RYR2: variants seen among roughly 807,000 people sequenced by gnomAD.
RYR2 encodes the protein cardiac muscle ryanodine receptor-calcium release channel.
Under a neutral mutation model 601.1 loss-of-function variants are expected in RYR2, and 227 were observed. The observed-to-expected ratio is 0.38, with a 90% CI of 0.34 to 0.42. The LOEUF is 0.42. RYR2 is among the 10% of genes least tolerant of loss of function. The pLI is 1.00. For missense variants in RYR2, 4,646 were observed against 6,156.5 expected (o/e 0.75, Z 8.21); for synonymous variants, 2,223 against 2,175.1 (o/e 1.02, Z -0.61).
intron 1 of RYR2, among the ~76,000 whole-genome samples, chr1:237,213,910 TTTTTC>T (rs1415523216): frequency 4.2e-5 from 6 of 141,720 alleles, no homozygotes; most frequent in Non-Finnish European, 4.6e-5. Context: ...TTTTTTTTTC[TTTTTC>T]TTTTTTTTTT....
intron 84 of RYR2, among the ~76,000 whole-genome samples, chr1:237,766,712 C>A (rs1693874367): frequency 6.6e-6 from 1 of 152,144 alleles, no homozygotes. Flanking sequence ...AAACAAGATG[C>A]AATCACATTT....
chr1:237,444,488 C>A (rs540580936), intron 13 of RYR2, among the ~76,000 whole-genome samples: 1 of 152,084 alleles, frequency 6.6e-6, no homozygotes, highest in Non-Finnish European at 1.5e-5. Flanking sequence ...GTTCAGTACA[C>A]CTGGGTAGGT....
At chr1:237,562,293 C>T (rs2148207419) in intron 27 of RYR2, among the ~76,000 whole-genome samples, 1 of 152,100 alleles carries the variant, frequency 6.6e-6, no homozygotes, top group South Asian at 2.1e-4. Context: ...TGATTAATAC[C>T]AATAATTTTA....
chr1:237,115,060 G>C (rs1669900935), intron 1 of RYR2, among the ~76,000 whole-genome samples: 1 of 152,160 alleles, frequency 6.6e-6, no homozygotes, highest in Non-Finnish European at 1.5e-5. Flanking sequence ...GGAGGGGAAG[G>C]AAGGATGGCC....
intron 101 of RYR2, among the ~76,000 whole-genome samples, chr1:237,825,171 T>C (rs940082677): frequency 6.6e-6 from 1 of 152,054 alleles, no homozygotes; most frequent in Non-Finnish European, 1.5e-5. Context: ...CTACTTTAAA[T>C]TTCATGTGGA....
chr1:237,736,812 C>T (rs866849043), intron 79 of RYR2, among the ~76,000 whole-genome samples: 1 of 152,174 alleles, frequency 6.6e-6, no homozygotes. Context: ...GTAATGCTCC[C>T]CCTGGCTGTG....
intron 35 of RYR2, among the ~76,000 whole-genome samples, chr1:237,608,586 C>G (rs1365075732): frequency 6.6e-6 from 1 of 152,036 alleles, no homozygotes; most frequent in South Asian, 2.1e-4. Flanking sequence ...CCTTTAGTCC[C>G]AGATCCTCCA....
chr1:237,067,145 T>C (rs538280726), intron 1 of RYR2, among the ~76,000 whole-genome samples: 2 of 151,882 alleles, frequency 1.3e-5, no homozygotes, highest in Non-Finnish European at 2.9e-5. Flanking sequence ...AAGTTTTTAA[T>C]TTTGATGAAG....
At chr1:237,665,172 G>C (rs748692926) in intron 56 of RYR2, among the ~76,000 whole-genome samples, 1 of 151,980 alleles carries the variant, frequency 6.6e-6, no homozygotes, top group South Asian at 2.1e-4. Context: ...AGGCCGAGGC[G>C]GGTGGATCAC....
rs548412685 is a variant in RYR2 at position 237,669,974 on chromosome 1, G to A, written c.8590+2016G>A. Among the ~76,000 whole-genome samples the A allele has an allele frequency of 5.7e-4, 87 of 152,138 alleles. 1 individual carries two copies. The highest frequency in any genetic ancestry group is 5.6e-3 in the Admixed American group (85 of 15,292). ...GGAGGTTGTAGCGAGCCGAGATCAC[G>A]CCACTGCACTCCAGCCTGGGCACCA... On this transcript the variant is annotated intron_variant, in intron 58 of 104. Transcript: ENST00000366574.
At chr1:237,155,042 T>C (rs1004388194) in intron 1 of RYR2, among the ~76,000 whole-genome samples, 1 of 152,316 alleles carries the variant, frequency 6.6e-6, no homozygotes, top group African/African-American at 2.4e-5. Flanking sequence ...CTTAGGGATG[T>C]TGGGGCTTTC....
chr1:237,725,843 C>T (rs1420589832), intron 74 of RYR2, among the ~76,000 whole-genome samples: 2 of 152,022 alleles, frequency 1.3e-5, no homozygotes, highest in African/African-American at 4.8e-5. Flanking sequence ...ATATGTTTGT[C>T]AACTGTCACC....
chr1:237,511,127 T>C (rs767386825), intron 23 of RYR2, among the ~76,000 whole-genome samples: 81 of 152,116 alleles, frequency 5.3e-4, no homozygotes, highest in Non-Finnish European at 1.0e-3. Flanking sequence ...TTTATTTCAA[T>C]TTATAAAACG....
intron 8 of RYR2, among the ~76,000 whole-genome samples, chr1:237,380,196 G>A (rs2149803451): frequency 6.6e-6 from 1 of 150,890 alleles, no homozygotes; most frequent in African/African-American, 2.4e-5. Flanking sequence ...TTATTTGGAG[G>A]ACTCAGTGAA....
chr1:237,798,730 A>G (rs1659579866), intron 97 of RYR2, among the ~76,000 whole-genome samples: 1 of 151,932 alleles, frequency 6.6e-6, no homozygotes, highest in East Asian at 1.9e-4. Context: ...TTCATGGAAT[A>G]ATATGTTTCT....
At chr1:237,691,097 C>T (rs1169079019) in intron 63 of RYR2, among the ~76,000 whole-genome samples, 4 of 152,126 alleles carry the variant, frequency 2.6e-5, no homozygotes, top group Admixed American at 6.5e-5. Context: ...CCACCACGCC[C>T]GGCCAAATCT....
At chr1:237,074,267 C>T (rs779681490) in intron 1 of RYR2, among the ~76,000 whole-genome samples, 7 of 152,054 alleles carry the variant, frequency 4.6e-5, no homozygotes, top group African/African-American at 9.7e-5. Flanking sequence ...CAGTGAGCTA[C>T]GATTATGCCA....
At chr1:237,336,383 GTT>G (rs1469016022) in intron 3 of RYR2, among the ~76,000 whole-genome samples, 1 of 152,106 alleles carries the variant, frequency 6.6e-6, no homozygotes, top group Non-Finnish European at 1.5e-5. Context: ...TTATGTTTCA[GTT>G]TAGTAAAATG....
At chr1:237,790,418 T>C (rs909995341) in intron 92 of RYR2, among the ~76,000 whole-genome samples, 2 of 152,158 alleles carry the variant, frequency 1.3e-5, no homozygotes, top group Admixed American at 6.6e-5. Flanking sequence ...TTGTACTAAC[T>C]TTCTAACGGG....
Sources: gnomAD v4.1 joint callset for allele counts (sites outside exome capture counted in the v4.1 genomes callset) on GRCh38, gnomAD v4.1.1 for gene constraint, MANE v1.5 for transcripts, NCBI Gene and HGNC (gene_info 2026-07-23, HGNC 2026-07-21) for gene names.